Variants in AKNA observed in about 807,000 individuals in gnomAD.
AKNA encodes AT-hook transcription factor.
In AKNA, 67 loss-of-function variants were observed where a neutral mutation model predicts 138.8. The observed-to-expected ratio is 0.48, with a 90% confidence interval of 0.40 to 0.59. The LOEUF (loss-of-function observed/expected upper bound fraction) is 0.59, where lower values mean the gene tolerates loss of function less well. AKNA is among the 20% of genes least tolerant of loss of function. AKNA has a pLI of 0.00. For synonymous variants in AKNA, 737 were observed against 754.4 expected, an observed-to-expected ratio of 0.98 and a Z score of 0.38; for missense variants, 1,813 against 1,880.4, an observed-to-expected ratio of 0.96 and a Z score of 0.66.
intron 12 of AKNA, among the ~76,000 whole-genome samples, chr9:114,357,321 T>C (rs928110553): frequency 6.6e-6 from 1 of 152,214 alleles, no homozygotes; most frequent in Non-Finnish European, 1.5e-5. Context: ...TGGAATACTA[T>C]GGTCTTATCT....
chr9:114,343,831 A>G lies in AKNA; in HGVS notation c.3662-28T>C, dbSNP rs1830512606. On this transcript the variant is annotated intron_variant, in intron 18 of 21. Transcript: ENST00000374088. ...GGGGAAAGAAACCAGAACTGTCAGT[A>G]TCAGCCCTGTGGATGGATGCAAAAT... 1.9e-6 allele frequency: 3 copies of G among 1,580,358 alleles called. No homozygotes were observed. The South Asian group carries it at 3.4e-5, about 18-fold the overall frequency.
At chr9:114,365,124 C>T (rs574216420) in intron 6 of AKNA, among the ~76,000 whole-genome samples, 82 of 152,062 alleles carry the variant, frequency 5.4e-4, no homozygotes, top group African/African-American at 1.8e-3. Context: ...TGCTTATATA[C>T]GATATACTAT....
At chr9:114,392,550 G>T (rs1834385750), upstream of AKNA, among the ~76,000 whole-genome samples, 1 of 152,200 alleles carries the variant, frequency 6.6e-6, no homozygotes, top group African/African-American at 2.4e-5. Context: ...TGGGTTCTTG[G>T]GATGACGGAT....
chr9:114,335,741 A>AG lies in AKNA; in HGVS notation c.*1312dup, dbSNP rs1428580562. 1 of 145,276 alleles carries AG rather than the reference A, an allele frequency of 6.9e-6. No homozygotes were observed. Among genetic ancestry groups the AG allele is most frequent in the Middle Eastern group, 3.3e-3 (1 of 302 alleles). The allele number at this position is 145,276 out of a possible 1,614,324, so 9.0% of individuals were successfully genotyped here. On this transcript the variant is annotated 3_prime_UTR_variant, in exon 22 of 22. Transcript: ENST00000374088. ...AGCCGAGATTCCACCACTGTACCCC[A>AG]GCCTGGGCAACCAGAGCAAAACTCA...
chr9:114,357,136 C>T (rs1831558075), intron 12 of AKNA, among the ~76,000 whole-genome samples, 167 bp from the exon 13 acceptor site: 1 of 152,212 alleles, frequency 6.6e-6, no homozygotes, highest in Admixed American at 6.5e-5. Context: ...GGCTCTCAGG[C>T]CTCAGCACAA....
chr9:114,359,563 A>G, intron 11 of AKNA, 31 bp downstream of exon 11: 1 of 1,611,772 alleles, frequency 6.2e-7, no homozygotes, highest in Non-Finnish European at 8.5e-7. Context: ...GGTGGAAACA[A>G]ACATTCTGCA....
At chr9:114,353,260 T>TG (rs1430360059) in intron 14 of AKNA, among the ~76,000 whole-genome samples, 1 of 108,856 alleles carries the variant, frequency 9.2e-6, no homozygotes, top group Non-Finnish European at 2.0e-5. Flanking sequence ...TCTTATTTTT[T>TG]GTTTTTTTTT....
chr9:114,394,022 A>C (rs1834451564), intron 1 of AKNA, among the ~76,000 whole-genome samples: 1 of 151,994 alleles, frequency 6.6e-6, no homozygotes. Context: ...AAAATACAAA[A>C]ATTAGCTGGG....
intron 4 of AKNA, among the ~76,000 whole-genome samples, chr9:114,369,160 T>C (rs1303575285): frequency 6.6e-6 from 1 of 152,142 alleles, no homozygotes; most frequent in Non-Finnish European, 1.5e-5. Flanking sequence ...CATTTGAGGA[T>C]GGATTTAACA....
intron 7 of AKNA, among the ~76,000 whole-genome samples, chr9:114,363,088 T>A (rs1832092342): frequency 6.6e-6 from 1 of 152,232 alleles, no homozygotes; most frequent in African/African-American, 2.4e-5. Flanking sequence ...AATATAATCA[T>A]AATGAGAGGG....
intron 5 of AKNA, chr9:114,368,163 G>A: frequency 2.8e-6 from 1 of 357,818 alleles, no homozygotes; most frequent in Non-Finnish European, 5.0e-6. Flanking sequence ...CTGAGATATG[G>A]GCTCCCCAGG....
In AKNA at chr9:114,383,197, G is replaced by A. The variant is rs548060080; in HGVS notation, c.-113-1751C>T. The A allele has an allele frequency of 1.6e-4, 75 of 456,024 alleles. 1 individual carries two copies. The Middle Eastern group carries it at 2.3e-3, about 14-fold the overall frequency. The allele number at this position is 456,024 out of a possible 1,614,324, so 28.2% of individuals were successfully genotyped here. On this transcript the variant is annotated intron_variant, in intron 1 of 21. Coordinates refer to ENST00000374088, the MANE Select transcript of AKNA (RefSeq NM_001317950.2). Reference sequence around the variant, plus strand: ...AATGAACCAGGGAGGCTGGCCACACGGGGGACCCGTCAGGCGGCTGCTGCA... The same window carrying A: ...AATGAACCAGGGAGGCTGGCCACACAGGGGACCCGTCAGGCGGCTGCTGCA...
At chr9:114,369,524 GGCTCTACCACA>G (rs1832609084) in intron 4 of AKNA, among the ~76,000 whole-genome samples, 1 of 152,120 alleles carries the variant, frequency 6.6e-6, no homozygotes, top group African/African-American at 2.4e-5. Context: ...TTCCTGTCTA[GGCTCTACCACA>G]GCACACCTCT....
chr9:114,362,791 C>A (rs1302147693), intron 7 of AKNA, among the ~76,000 whole-genome samples: 2 of 152,224 alleles, frequency 1.3e-5, no homozygotes, highest in Admixed American at 1.3e-4. Flanking sequence ...AGGGCACCAG[C>A]CCTTCCTGCA....
chr9:114,333,724 A>C (rs1414253743), downstream of AKNA, among the ~76,000 whole-genome samples: 1 of 141,372 alleles, frequency 7.1e-6, no homozygotes, highest in Non-Finnish European at 1.5e-5. Flanking sequence ...TAAAACTTCA[A>C]CTAGTCATAA....
chr9:114,356,959 A>G lies in AKNA; in HGVS notation c.2750T>C (p.Met917Thr), dbSNP rs1337721124. The change falls in exon 13 of 22, where the codon ATG becomes ACG. Residue 917 changes from methionine to threonine, a missense_variant. Coordinates refer to ENST00000374088, the MANE Select transcript of AKNA (RefSeq NM_001317950.2). The part of the protein sequence containing the change: ...GGGPHLEETW[M>T]ASPETDSGFV... ...GCCACTGTCTGTCTCTGGGGACGCC[A>G]TCCAGGTCTCCTGAAAGAGGCAGTA... is the stretch of plus-strand genomic sequence containing the variant. The G allele has an allele frequency of 6.3e-7, 1 of 1,581,546 alleles. No individual in the cohort carries two copies. Among genetic ancestry groups the G allele is most frequent in the Non-Finnish European group, 8.6e-7 (1 of 1,166,992 alleles).
chr9:114,351,343 C>G (rs899001289), intron 14 of AKNA, among the ~76,000 whole-genome samples: 2 of 152,230 alleles, frequency 1.3e-5, no homozygotes, highest in Non-Finnish European at 2.9e-5. Context: ...TTCCTCAAGA[C>G]TTGATCACCT....
At chr9:114,366,382 G>A (rs774992781) in intron 6 of AKNA, among the ~76,000 whole-genome samples, 2 of 152,050 alleles carry the variant, frequency 1.3e-5, no homozygotes, top group Non-Finnish European at 2.9e-5. Flanking sequence ...GTCAGACACA[G>A]GACAAATATT....
At chr9:114,341,395 TCCTACTG>T in intron 21 of AKNA, 131 bp downstream of exon 21, 1 of 1,071,328 alleles carries the variant, frequency 9.3e-7, no homozygotes, top group Admixed American at 2.4e-5. Flanking sequence ...AGTGTTGGGC[TCCTACTG>T]CATGTTATCC....
Sources: allele counts gnomAD v4.1 joint callset (sites outside exome capture counted in the v4.1 genomes callset), GRCh38; gene constraint gnomAD v4.1.1; transcripts MANE v1.5; gene names NCBI Gene and HGNC (gene_info 2026-07-23, HGNC 2026-07-21).